MEGF11: variants seen among roughly 807,000 people sequenced by gnomAD.
The protein encoded by MEGF11 is multiple EGF like domains 11.
Under a neutral mutation model 146.6 loss-of-function variants are expected in MEGF11, and 126 were observed. The observed-to-expected ratio is 0.86, with a 90% CI of 0.74 to 1.00. MEGF11 has a LOEUF of 1.00. Among genes scored for constraint, MEGF11 ranks in the 50% least tolerant of loss-of-function variants. MEGF11 has a pLI of 0.00. For missense variants in MEGF11, 1,509 were observed against 1,521.2 expected (o/e 0.99, Z 0.13); for synonymous variants, 532 against 583.4 (o/e 0.91, Z 1.27).
intron 18 of MEGF11, 96 bp downstream of exon 18, chr15:65,916,052 G>C (rs773464332): frequency 2.8e-6 from 4 of 1,421,166 alleles, no homozygotes; most frequent in Non-Finnish European, 3.7e-6. Context: ...AAGGGGTACA[G>C]AGCCCTGAGT....
At position 65,980,904 on chromosome 15, in the gene MEGF11, T is replaced by C. The variant is rs755675178; in HGVS notation, c.642-6A>G. 39 of 1,572,504 alleles carry C rather than the reference T, an allele frequency of 2.5e-5. No individual in the cohort carries two copies. In the East Asian group the frequency reaches 8.1e-4, roughly 32 times the overall value. ...GAGGGCACAGCTCCTCGCAGCTGCA[T>C]GGAGAAGCAGAGGTGTTAGACACAG... On this transcript the variant is annotated splice_polypyrimidine_tract_variant and splice_region_variant and intron_variant, in intron 6 of 25. Coordinates refer to ENST00000395614, the MANE Select transcript of MEGF11 (RefSeq NM_001385028.1).
At chr15:66,156,346 T>A (rs187709061) in intron 1 of MEGF11, among the ~76,000 whole-genome samples, 1 of 152,034 alleles carries the variant, frequency 6.6e-6, no homozygotes, top group East Asian at 1.9e-4. Flanking sequence ...TAAACATCAG[T>A]CCCCCTTCTC....
chr15:66,074,820 T>C (rs1372554784), intron 5 of MEGF11, among the ~76,000 whole-genome samples: 1 of 152,228 alleles, frequency 6.6e-6, no homozygotes, highest in Non-Finnish European at 1.5e-5. Flanking sequence ...TAACACTTGC[T>C]ATTATCAGGA....
At chr15:66,160,009 C>G (rs916691553) in intron 1 of MEGF11, among the ~76,000 whole-genome samples, 5 of 152,068 alleles carry the variant, frequency 3.3e-5, no homozygotes, top group African/African-American at 9.7e-5. Context: ...TGGTCGCTCC[C>G]TCTCCCCATT....
At position 66,242,420 on chromosome 15, in the gene MEGF11, A is replaced by G. The variant is rs555344299; in HGVS notation, c.-9+11185T>C. Reference sequence around the variant, plus strand: ...TGAGACTCTGTCTAAAAAAAAAAAGAAAGAAAGAAAGAAAGAAAAAGAAGA... The same window carrying G: ...TGAGACTCTGTCTAAAAAAAAAAAGGAAGAAAGAAAGAAAGAAAAAGAAGA... On this transcript the variant is annotated intron_variant, in intron 1 of 25. Coordinates refer to ENST00000395614, the MANE Select transcript of MEGF11 (RefSeq NM_001385028.1). Among the ~76,000 whole-genome samples the G allele has an allele frequency of 6.7e-4, 92 of 137,578 alleles. No homozygotes were observed. In the East Asian group the frequency reaches 0.017, roughly 25 times the overall value. 90.3% of individuals were successfully genotyped at this position (137,578 alleles called of 152,430 possible).
chr15:65,973,041 T>C (rs1256571527), intron 7 of MEGF11, among the ~76,000 whole-genome samples: 2 of 150,428 alleles, frequency 1.3e-5, no homozygotes, highest in African/African-American at 4.9e-5. Flanking sequence ...CGCTTGAACC[T>C]GGGAGGTGGA....
intron 5 of MEGF11, among the ~76,000 whole-genome samples, chr15:66,078,450 A>G (rs1461906305): frequency 6.6e-6 from 1 of 152,210 alleles, no homozygotes; most frequent in Non-Finnish European, 1.5e-5. Flanking sequence ...GGGCTGCGTC[A>G]GGAGGAAAGG....
chr15:66,179,948 G>T (rs1428948421), intron 1 of MEGF11, among the ~76,000 whole-genome samples: 1 of 151,980 alleles, frequency 6.6e-6, no homozygotes, highest in Non-Finnish European at 1.5e-5. Context: ...CCAGGCAAGG[G>T]TTTACCAAGC....
rs892558867 is a variant in MEGF11 at position 65,921,981 on chromosome 15, G to A, written c.1957+357C>T. The A allele has an allele frequency of 2.3e-5, 6 of 261,854 alleles. No individual in the cohort carries two copies. In the South Asian group the frequency reaches 2.5e-4, roughly 11 times the overall value. 16.2% of individuals were successfully genotyped at this position (261,854 alleles called of 1,614,324 possible). A position where few individuals can be genotyped will look rare whatever the true frequency, so the allele number is the denominator to read the frequency against. ...CCTCTGCACTCCCACAGCATTCTCT[G>A]CCTTTACCCTTGGCACTCGGCACAG... On this transcript the variant is annotated intron_variant, in intron 15 of 25. Transcript: ENST00000395614.
chr15:66,087,208 G>A (rs7175145), intron 5 of MEGF11, among the ~76,000 whole-genome samples: 28,501 of 149,236 alleles, frequency 0.19, 2,846 homozygotes, highest in East Asian at 0.4. Flanking sequence ...TGAGATAGAC[G>A]GCAACACAAT....
At chr15:65,903,110 TGG>T (rs1372556855) in intron 24 of MEGF11, among the ~76,000 whole-genome samples, 1 of 152,140 alleles carries the variant, frequency 6.6e-6, no homozygotes, top group African/African-American at 2.4e-5. Context: ...GAGGAGGTCT[TGG>T]GGTCAGAACA....
chr15:66,007,522 G>T (rs1254273404), intron 5 of MEGF11, among the ~76,000 whole-genome samples: 3 of 152,158 alleles, frequency 2.0e-5, no homozygotes, highest in Non-Finnish European at 4.4e-5. Flanking sequence ...GGCTGAGGTG[G>T]GTGGATCACT....
At chr15:65,931,789 A>G (rs1012246286) in intron 10 of MEGF11, among the ~76,000 whole-genome samples, 1 of 152,278 alleles carries the variant, frequency 6.6e-6, no homozygotes, top group African/African-American at 2.4e-5. Context: ...TAGCTAATGC[A>G]TATTGAGTCC....
intron 1 of MEGF11, among the ~76,000 whole-genome samples, chr15:66,234,277 C>T: frequency 6.6e-6 from 1 of 152,234 alleles, no homozygotes; most frequent in Non-Finnish European, 1.5e-5. Context: ...CGAGGATGTG[C>T]TAACACGCCG....
intron 1 of MEGF11, among the ~76,000 whole-genome samples, chr15:66,226,149 C>T (rs749952814): frequency 5.9e-5 from 9 of 152,224 alleles, no homozygotes; most frequent in African/African-American, 1.7e-4. Context: ...AGTGTAGCCA[C>T]GCTGTAGACG....
chr15:66,178,347 G>A (rs917884582), intron 1 of MEGF11, among the ~76,000 whole-genome samples: 2 of 152,176 alleles, frequency 1.3e-5, no homozygotes, highest in Admixed American at 1.3e-4. Context: ...GGCCAGAGAA[G>A]GGAGCGCTGG....
intron 4 of MEGF11, among the ~76,000 whole-genome samples, chr15:66,100,080 G>A (rs58682891): frequency 0.021 from 3,222 of 151,992 alleles, 104 homozygotes; most frequent in African/African-American, 0.072. Context: ...TTGCGCTTTG[G>A]GGGGGAAATG....
chr15:66,031,252 G>C (rs1302584657), intron 5 of MEGF11, among the ~76,000 whole-genome samples: 2 of 152,182 alleles, frequency 1.3e-5, no homozygotes, highest in African/African-American at 4.8e-5. Flanking sequence ...ATATGCCCCA[G>C]TGCGTGTTCC....
At position 65,898,719 on chromosome 15, in the gene MEGF11, G is replaced by C. The variant is rs766722336; in HGVS notation, c.3262+9C>G. ...TGATTTCACTAAGTTACTTATTTGA[G>C]ACACCTACCAACTTCATATATATTT... On this transcript the variant is annotated intron_variant, in intron 25 of 25. Coordinates refer to ENST00000395614, the MANE Select transcript of MEGF11 (RefSeq NM_001385028.1). The C allele has an allele frequency of 4.3e-6, 7 of 1,612,778 alleles. No homozygotes were observed. Among genetic ancestry groups the C allele is most frequent in the Non-Finnish European group, 5.1e-6 (6 of 1,179,458 alleles).
Sources: gnomAD v4.1 joint callset for allele counts (sites outside exome capture counted in the v4.1 genomes callset) on GRCh38, gnomAD v4.1.1 for gene constraint, MANE v1.5 for transcripts, NCBI Gene and HGNC (gene_info 2026-07-23, HGNC 2026-07-21) for gene names.